The following CEP112 variants were observed in gnomAD, a reference collection of about 807,000 sequenced individuals.
CEP112 encodes centrosomal protein 112, also known as centrosomal protein of 112 kDa.
Under a neutral mutation model 153.0 loss-of-function variants are expected in CEP112, and 127 were observed. That is an observed-to-expected ratio of 0.83 (90% CI 0.72 to 0.96). The LOEUF is 0.96. Among genes scored for constraint, CEP112 ranks in the 40% least tolerant of loss-of-function variants. The pLI is 0.00. For synonymous variants in CEP112, 358 were observed against 374.4 expected, an observed-to-expected ratio of 0.96 and a Z score of 0.51; for missense variants, 1,089 against 1,101.2, an observed-to-expected ratio of 0.99 and a Z score of 0.16.
At chr17:66,146,913 T>C (rs1405878575) in intron 4 of CEP112, among the ~76,000 whole-genome samples, 1 of 152,174 alleles carries the variant, frequency 6.6e-6, no homozygotes, top group African/African-American at 2.4e-5. Context: ...CATCTGTAGA[T>C]AGACATTTAT....
chr17:65,661,047 AG>A (rs1447837135), intron 24 of CEP112, among the ~76,000 whole-genome samples: 2 of 152,188 alleles, frequency 1.3e-5, no homozygotes, highest in African/African-American at 4.8e-5. Context: ...GGATCATCTA[AG>A]AACCTTCTCA....
chr17:65,775,934 C>A (rs975305657), intron 21 of CEP112, among the ~76,000 whole-genome samples: 1 of 152,158 alleles, frequency 6.6e-6, no homozygotes, highest in South Asian at 2.1e-4. Context: ...GTTTTAAATC[C>A]GTTCAATTAA....
At chr17:65,654,936 C>T (rs1428113384) in intron 24 of CEP112, 3 of 628,162 alleles carry the variant, frequency 4.8e-6, no homozygotes, top group Non-Finnish European at 9.1e-6. Flanking sequence ...GCGATCCATC[C>T]TAAAGCACAA....
intron 20 of CEP112, among the ~76,000 whole-genome samples, chr17:65,898,579 A>G (rs988662457): frequency 6.6e-6 from 1 of 152,148 alleles, no homozygotes; most frequent in African/African-American, 2.4e-5. Flanking sequence ...AATTGTTCAT[A>G]TTAGATTTAT....
At chr17:65,828,318 T>G (rs1156279222) in intron 21 of CEP112, among the ~76,000 whole-genome samples, 2 of 152,212 alleles carry the variant, frequency 1.3e-5, no homozygotes, top group Non-Finnish European at 2.9e-5. Flanking sequence ...TTTTCTCCAG[T>G]AAAATGTCAG....
At chr17:65,836,712 G>A (rs1328492665) in intron 21 of CEP112, among the ~76,000 whole-genome samples, 4 of 152,160 alleles carry the variant, frequency 2.6e-5, no homozygotes, top group Non-Finnish European at 1.5e-5. Context: ...CTTTCAGAAT[G>A]GACACATAAT....
At chr17:65,705,062 A>G (rs2048848286) in intron 23 of CEP112, among the ~76,000 whole-genome samples, 1 of 152,216 alleles carries the variant, frequency 6.6e-6, no homozygotes, top group Non-Finnish European at 1.5e-5. Context: ...TGAACTACTA[A>G]GCAAAATTCA....
chr17:65,894,670 C>T (rs1033965692), intron 20 of CEP112, among the ~76,000 whole-genome samples: 3 of 152,056 alleles, frequency 2.0e-5, no homozygotes, highest in Non-Finnish European at 2.9e-5. Flanking sequence ...CAAATTCCTA[C>T]GCTGTTTTTA....
At chr17:66,101,194 G>A (rs999574722) in intron 6 of CEP112, among the ~76,000 whole-genome samples, 2 of 151,928 alleles carry the variant, frequency 1.3e-5, no homozygotes, top group Non-Finnish European at 2.9e-5. Context: ...ATATATTTAT[G>A]AAAAATGAAA....
chr17:66,090,263 T>C (rs921898128), intron 8 of CEP112, among the ~76,000 whole-genome samples: 3 of 151,816 alleles, frequency 2.0e-5, no homozygotes, highest in South Asian at 4.2e-4. Flanking sequence ...CCAGTAAAAG[T>C]AAGGAAACAA....
intron 21 of CEP112, among the ~76,000 whole-genome samples, chr17:65,834,440 G>A (rs185328120): frequency 6.4e-4 from 98 of 152,096 alleles, no homozygotes; most frequent in Non-Finnish European, 1.2e-3. Context: ...AAAAATATTC[G>A]CAAACTATGC....
chr17:65,676,333 A>AAG (rs1360253893), intron 24 of CEP112, among the ~76,000 whole-genome samples: 1 of 41,144 alleles, frequency 2.4e-5, no homozygotes, highest in Non-Finnish European at 4.8e-5. Context: ...GTCTTAAAAG[A>AAG]AAAAAAAAAA....
chr17:65,703,213 G>C (rs1336591304), intron 23 of CEP112, among the ~76,000 whole-genome samples: 2 of 152,066 alleles, frequency 1.3e-5, no homozygotes, highest in Non-Finnish European at 2.9e-5. Flanking sequence ...GTCCCTCTGA[G>C]GTAGAAACCT....
chr17:65,725,478 T>G (rs1209373588), intron 23 of CEP112, among the ~76,000 whole-genome samples: 1 of 152,102 alleles, frequency 6.6e-6, no homozygotes, highest in East Asian at 1.9e-4. Context: ...CCACCGCGCC[T>G]GGCTAATCTT....
intron 6 of CEP112, among the ~76,000 whole-genome samples, chr17:66,104,086 C>T (rs2068677935): frequency 6.6e-6 from 1 of 152,172 alleles, no homozygotes; most frequent in Admixed American, 6.5e-5. Flanking sequence ...TAGGCAATCT[C>T]TGATGCTGTG....
chr17:65,868,964 C>T (rs949317016), intron 20 of CEP112, among the ~76,000 whole-genome samples: 5 of 152,144 alleles, frequency 3.3e-5, no homozygotes, highest in Non-Finnish European at 4.4e-5. Flanking sequence ...AATTTGAACA[C>T]GTGTTCTCAT....
intron 4 of CEP112, among the ~76,000 whole-genome samples, chr17:66,153,072 T>C (rs2071275393): frequency 6.6e-6 from 1 of 152,138 alleles, no homozygotes; most frequent in Admixed American, 6.6e-5. Flanking sequence ...AATACTCATG[T>C]GAAGAGACTG....
rs1271760480 is a variant in CEP112, at chr17:65,635,724, C to T, written c.*247G>A. ...TTTGCCCAATATAAGCAGTTCTCAGCACATACTCAAATGCACACAAACATG... is the reference window on the plus strand; with the variant it reads ...TTTGCCCAATATAAGCAGTTCTCAGTACATACTCAAATGCACACAAACATG... On this transcript the variant is annotated 3_prime_UTR_variant, in exon 27 of 27. Transcript: ENST00000535342. The T allele has an allele frequency of 1.8e-6, 1 of 556,058 alleles. No individual in the cohort carries two copies. 34.4% of individuals were successfully genotyped at this position (556,058 alleles called of 1,614,324 possible).
rs183306563 is a variant in CEP112, at chr17:66,096,437, T to C, written c.691-109A>G. The C allele has an allele frequency of 3.8e-4, 452 of 1,177,208 alleles. 1 individual carries two copies. In the African/African-American group the frequency reaches 6.0e-3, roughly 16 times the overall value. 72.9% of individuals were successfully genotyped at this position (1,177,208 alleles called of 1,614,324 possible). On this transcript the variant is annotated intron_variant, in intron 7 of 26. Transcript: ENST00000535342. ...GCCCGTACCAAAATAGTACTAACAC[T>C]GCAGGAAAAAATCACTTCCAAGTGA...
Sources: allele counts gnomAD v4.1 joint callset (sites outside exome capture counted in the v4.1 genomes callset), GRCh38; gene constraint gnomAD v4.1.1; transcripts MANE v1.5; gene names NCBI Gene and HGNC (gene_info 2026-07-23, HGNC 2026-07-21).